LINGO2: variants seen among roughly 807,000 people sequenced by gnomAD.
LINGO2 encodes the protein leucine-rich repeat and immunoglobulin-like domain-containing nogo receptor-interacting protein 2.
A neutral mutation model predicts 30.6 loss-of-function variants in LINGO2; 14 were observed. That is an observed-to-expected ratio of 0.46 (90% CI 0.30 to 0.72). LINGO2 has a LOEUF of 0.72. Ranked by LOEUF, LINGO2 falls within the 30% of genes least tolerant of loss-of-function variation. The pLI is 0.07. For synonymous variants in LINGO2, 317 were observed against 288.5 expected (o/e 1.10, Z -1.00); for missense variants, 729 against 751.7 (o/e 0.97, Z 0.35).
chr9:28,684,411 G>T, the LINGO2 span, among the ~76,000 whole-genome samples: 3 of 150,738 alleles, frequency 2.0e-5, no homozygotes, highest in Non-Finnish European at 3.0e-5. Flanking sequence ...GGATGGTCAC[G>T]ATCTCCTGAC....
chr9:28,726,941 G>A, the LINGO2 span, among the ~76,000 whole-genome samples: 2 of 152,076 alleles, frequency 1.3e-5, no homozygotes, highest in South Asian at 4.1e-4. Flanking sequence ...TTTTCTGGGT[G>A]GCTTTTAGCC....
At chr9:27,962,899 G>C (rs961592523) in intron 5 of LINGO2, among the ~76,000 whole-genome samples, 5 of 152,106 alleles carry the variant, frequency 3.3e-5, no homozygotes, top group Admixed American at 6.5e-5. Context: ...TGATTAGTAC[G>C]TACCTTTTAA....
the LINGO2 span, among the ~76,000 whole-genome samples, chr9:28,853,257 C>T: frequency 1.3e-5 from 2 of 151,968 alleles, no homozygotes; most frequent in South Asian, 2.1e-4. Flanking sequence ...TTTGAAACTC[C>T]AGGTGTTTAT....
the LINGO2 span, among the ~76,000 whole-genome samples, chr9:29,041,262 T>G: frequency 6.6e-6 from 1 of 152,036 alleles, no homozygotes; most frequent in African/African-American, 2.4e-5. Context: ...TTTCCCCAAA[T>G]TGATTTATAG....
chr9:28,128,875 G>A (rs545952686), intron 4 of LINGO2, among the ~76,000 whole-genome samples: 29 of 152,220 alleles, frequency 1.9e-4, no homozygotes, highest in African/African-American at 6.3e-4. Flanking sequence ...GAACATTTGA[G>A]TCAGTGGACT....
chr9:29,056,186 C>T, the LINGO2 span, among the ~76,000 whole-genome samples: 1 of 151,916 alleles, frequency 6.6e-6, no homozygotes, highest in Admixed American at 6.6e-5. Flanking sequence ...CATAGTTTTC[C>T]ATAGTGGTTG....
At chr9:28,948,357 T>C in the LINGO2 span, among the ~76,000 whole-genome samples, 24,921 of 152,076 alleles carry the variant, frequency 0.16, 2,062 homozygotes, top group South Asian at 0.2. Flanking sequence ...CTGTTTCCAT[T>C]CATCACATTA....
At chr9:28,863,570 T>G in the LINGO2 span, 1 of 509,706 alleles carries the variant, frequency 2.0e-6, no homozygotes, top group Admixed American at 2.0e-5. Flanking sequence ...TTGTTCTCAA[T>G]GGCTCAGTAA....
chr9:28,973,715 G>A, the LINGO2 span, among the ~76,000 whole-genome samples: 2 of 152,144 alleles, frequency 1.3e-5, no homozygotes, highest in South Asian at 4.1e-4. Flanking sequence ...AGCAGCATGA[G>A]AACAGACTAA....
the LINGO2 span, among the ~76,000 whole-genome samples, chr9:28,952,021 G>A: frequency 1.1e-3 from 172 of 152,072 alleles, 2 homozygotes; most frequent in African/African-American, 3.1e-3. Context: ...TCAGAATGGC[G>A]ATTATTAAAA....
the LINGO2 span, among the ~76,000 whole-genome samples, chr9:28,981,514 C>T: frequency 1.3e-5 from 2 of 152,036 alleles, no homozygotes; most frequent in Admixed American, 6.6e-5. Flanking sequence ...TTCCCTTATA[C>T]ATCACTTTCA....
chr9:28,278,338 A>AT (rs1345831929), intron 4 of LINGO2, among the ~76,000 whole-genome samples: 1 of 152,204 alleles, frequency 6.6e-6, no homozygotes, highest in Non-Finnish European at 1.5e-5. Context: ...CAAACAATAG[A>AT]TTTTCAATTT....
exon 6 of LINGO2, chr9:27,950,012 G>A: frequency 6.2e-7 from 1 of 1,614,062 alleles, no homozygotes; most frequent in Non-Finnish European, 8.5e-7. Context: ...ATCTTTTAAA[G>A]GCATACACAG....
At chr9:28,655,697 T>C (rs1470203999) in intron 1 of LINGO2, among the ~76,000 whole-genome samples, 1 of 151,270 alleles carries the variant, frequency 6.6e-6, no homozygotes, top group East Asian at 2.0e-4. Flanking sequence ...TTAGTTCTCA[T>C]GAGATCTGAT....
chr9:27,978,424 C>A (rs949128589), intron 5 of LINGO2, among the ~76,000 whole-genome samples: 1 of 151,924 alleles, frequency 6.6e-6, no homozygotes, highest in Non-Finnish European at 1.5e-5. Context: ...GAGATAGAAC[C>A]TTCGAGAAGT....
the LINGO2 span, among the ~76,000 whole-genome samples, chr9:29,026,177 C>T: frequency 6.6e-6 from 1 of 151,924 alleles, no homozygotes. Flanking sequence ...GGACTACAGG[C>T]GCACACCACC....
At chr9:28,296,111 C>T (rs1047212406) in intron 3 of LINGO2, among the ~76,000 whole-genome samples, 9 of 152,174 alleles carry the variant, frequency 5.9e-5, no homozygotes, top group African/African-American at 2.2e-4. Flanking sequence ...TTTAATGATT[C>T]AGTTGTTTAT....
intron 1 of LINGO2, among the ~76,000 whole-genome samples, chr9:28,549,227 C>A (rs145938014): frequency 6.6e-6 from 1 of 152,172 alleles, no homozygotes; most frequent in East Asian, 1.9e-4. Context: ...TAAATATTAT[C>A]TTACTGTCAG....
intron 3 of LINGO2, among the ~76,000 whole-genome samples, chr9:28,347,844 G>T: frequency 6.6e-6 from 1 of 152,270 alleles, no homozygotes. Flanking sequence ...TGCCCTGAGT[G>T]CTGAGTACTA....
Sources: gnomAD v4.1 joint callset for allele counts (sites outside exome capture counted in the v4.1 genomes callset) on GRCh38, gnomAD v4.1.1 for gene constraint, MANE v1.5 for transcripts, NCBI Gene and HGNC (gene_info 2026-07-23, HGNC 2026-07-21) for gene names.